The following NRL variants were observed in gnomAD, a reference collection of about 807,000 sequenced individuals.
NRL encodes the protein neural retina-specific leucine zipper protein.
NRL carries 16 observed loss-of-function variants against 12.5 expected under a neutral mutation model. The ratio of observed to expected loss-of-function variants is 1.28; its 90% CI spans 0.87 to 1.95. The LOEUF is 1.95. Among genes scored for constraint, NRL ranks in the 30% most tolerant of loss-of-function variants. NRL has a pLI of 0.00. For synonymous variants in NRL, 142 were observed against 150.9 expected (o/e 0.94, Z 0.43); for missense variants, 314 against 325.8 (o/e 0.96, Z 0.28).
chr14:24,094,659 G>T lies in NRL; in HGVS notation c.-27-11784C>A, dbSNP rs1268090015. ...GCCTGCACCTCCCCTTCTCTGCCTC[G>T]CTCGCCTCTGACCGCGCGATCTCTA... On this transcript the variant is annotated intron_variant, in intron 1 of 2. Coordinates refer to ENST00000561028, the MANE Select transcript of NRL (RefSeq NM_001354768.3). The surrounding 1 kb of genome is among the most constrained non-coding windows in gnomAD (Gnocchi z 4.1). The T allele has an allele frequency of 1.3e-6, 2 of 1,504,276 alleles. No homozygotes were observed. Among genetic ancestry groups the T allele is most frequent in the African/African-American group, 2.8e-5 (2 of 72,388 alleles). The allele number at this position is 1,504,276 out of a possible 1,614,324, so 93.2% of individuals were successfully genotyped here.
intron 1 of NRL, among the ~76,000 whole-genome samples, chr14:24,110,142 G>A (rs1052788519): frequency 6.6e-6 from 1 of 150,900 alleles, no homozygotes; most frequent in East Asian, 1.9e-4. Context: ...TCTTTGAGAC[G>A]GGGTCTCATT....
intron 1 of NRL, chr14:24,100,153 G>C: frequency 6.2e-7 from 1 of 1,614,082 alleles, no homozygotes; most frequent in Non-Finnish European, 8.5e-7. Flanking sequence ...GGAGGGCATT[G>C]ACCAGCCTCT....
chr14:24,098,411 G>A, intron 1 of NRL: 1 of 1,610,888 alleles, frequency 6.2e-7, no homozygotes, highest in Non-Finnish European at 8.5e-7. Context: ...GGGCACAGTG[G>A]CAAGGGCACG....
intron 1 of NRL, among the ~76,000 whole-genome samples, chr14:24,083,127 C>T (rs1242757039): frequency 1.3e-5 from 2 of 152,238 alleles, no homozygotes; most frequent in Non-Finnish European, 2.9e-5. Context: ...TCTCGCCCCA[C>T]TGATGCCTCA....
chr14:24,079,154 A>G lies in NRL; in HGVS notation c.*2082T>C, dbSNP rs1282176400. ...TTTAAGTATACTCAGGTAACCCAGG[A>G]GTATCATTTTGAGACCCAGGTATGG... On this transcript the variant is annotated 3_prime_UTR_variant, in exon 3 of 3. Coordinates refer to ENST00000561028, the MANE Select transcript of NRL (RefSeq NM_001354768.3). 6.6e-6 allele frequency among the ~76,000 whole-genome samples: 1 copy of G among 152,040 alleles called. No individual in the cohort carries two copies. The highest frequency in any genetic ancestry group is 1.5e-5 in the Non-Finnish European group (1 of 68,012).
intron 1 of NRL, among the ~76,000 whole-genome samples, chr14:24,100,980 G>A (rs2037138771): frequency 6.6e-6 from 1 of 152,166 alleles, no homozygotes; most frequent in Admixed American, 6.5e-5. Flanking sequence ...ACACCAAGAG[G>A]CAGGGGCAAA....
chr14:24,081,182 T>G lies in NRL; in HGVS notation c.*54A>C. 1 of 1,280,336 alleles carries G rather than the reference T, an allele frequency of 7.8e-7. No homozygotes were observed. The highest frequency in any genetic ancestry group is 1.0e-6 in the Non-Finnish European group (1 of 981,050). 79.3% of individuals were successfully genotyped at this position (1,280,336 alleles called of 1,614,324 possible). The stretch of plus-strand genomic sequence containing the variant: ...TGCAGAGAACCGTGCAGCCGCCTCC[T>G]GGGCGGAGCCACCCCACCCAGCCCC... On this transcript the variant is annotated 3_prime_UTR_variant, in exon 3 of 3. Coordinates refer to ENST00000561028, the MANE Select transcript of NRL (RefSeq NM_001354768.3). The surrounding 1 kb of genome is among the most constrained non-coding windows in gnomAD (Gnocchi z 4.4).
intron 1 of NRL, among the ~76,000 whole-genome samples, chr14:24,092,179 G>A (rs1374040197): frequency 1.3e-5 from 2 of 152,244 alleles, no homozygotes; most frequent in Non-Finnish European, 2.9e-5. Flanking sequence ...TGCATGCACA[G>A]TGTGGGGAGT....
chr14:24,083,222 AT>A (rs2036374496), intron 1 of NRL, among the ~76,000 whole-genome samples: 1 of 152,252 alleles, frequency 6.6e-6, no homozygotes, highest in South Asian at 2.1e-4. Flanking sequence ...CTCAAGAGGC[AT>A]CATTCCATTT....
chr14:24,088,158 A>G (rs753594289), intron 1 of NRL, among the ~76,000 whole-genome samples: 8 of 152,192 alleles, frequency 5.3e-5, no homozygotes, highest in East Asian at 1.9e-4. Context: ...TGAGGAGTCC[A>G]ACTATCCTCT....
intron 1 of NRL, among the ~76,000 whole-genome samples, chr14:24,087,736 C>A (rs528440428): frequency 1.3e-5 from 2 of 152,306 alleles, no homozygotes; most frequent in South Asian, 4.1e-4. Context: ...TAATACCAGC[C>A]CTGACTTCAA....
At chr14:24,108,788 G>A (rs1566585646) in intron 1 of NRL, among the ~76,000 whole-genome samples, 1 of 152,100 alleles carries the variant, frequency 6.6e-6, no homozygotes, top group Non-Finnish European at 1.5e-5. Context: ...TAAATTATTA[G>A]CACACTCTCC....
At chr14:24,103,507 C>CT in intron 1 of NRL, 1 of 1,542,278 alleles carries the variant, frequency 6.5e-7, no homozygotes, top group Non-Finnish European at 8.7e-7. Context: ...GCTTCCCCCC[C>CT]AGGGAAGATC....
rs1011246511 is a variant in NRL, at chr14:24,094,197, G to C, written c.-27-11322C>G. 2.7e-5 allele frequency: 15 copies of C among 564,564 alleles called. No homozygotes were observed. In the African/African-American group the frequency reaches 2.8e-4, roughly 11 times the overall value. 35.0% of individuals were successfully genotyped at this position (564,564 alleles called of 1,614,324 possible). A position where few individuals can be genotyped will look rare whatever the true frequency, so the allele number is the denominator to read the frequency against. ...GGCTGACCTGGAGCCTGGAGCCCCG[G>C]GGCCGAGGGAGCTGGCCTGCCAGCG... On this transcript the variant is annotated intron_variant, in intron 1 of 2. Coordinates refer to ENST00000561028, the MANE Select transcript of NRL (RefSeq NM_001354768.3). This position sits in a 1 kb window ranked among gnomAD's most constrained non-coding sequence, Gnocchi z 4.1.
intron 1 of NRL, chr14:24,095,076 A>G (rs2036804754): frequency 4.4e-6 from 2 of 455,992 alleles, no homozygotes; most frequent in African/African-American, 2.0e-5. Context: ...TGGAGCCCCC[A>G]GGCTCGTCCT....
chr14:24,081,611 A>T lies in NRL; in HGVS notation c.382-43T>A. 1 of 1,552,918 alleles carries T rather than the reference A, an allele frequency of 6.4e-7. No individual in the cohort carries two copies. Among genetic ancestry groups the T allele is most frequent in the Non-Finnish European group, 8.7e-7 (1 of 1,149,788 alleles). On this transcript the variant is annotated intron_variant, in intron 2 of 2. Coordinates refer to ENST00000561028, the MANE Select transcript of NRL (RefSeq NM_001354768.3). The surrounding 1 kb of genome is among the most constrained non-coding windows in gnomAD (Gnocchi z 4.4). ...AGAAACCGGGTCAGCGCCAGGTCGC[A>T]CCCGGCTCTGCCCTGAGGGCCCGAC...
At chr14:24,102,890 GGTAAA>G (rs770011316) in intron 1 of NRL, 1 of 1,613,076 alleles carries the variant, frequency 6.2e-7, no homozygotes, top group South Asian at 1.1e-5. Context: ...CAGACCCAAA[GGTAAA>G]CAACATATGA....
At chr14:24,090,267 G>GGGC (rs1555339993) in intron 1 of NRL, among the ~76,000 whole-genome samples, 1 of 3,606 alleles carries the variant, frequency 2.8e-4, no homozygotes, top group African/African-American at 3.6e-4. Flanking sequence ...GGTTTACTCG[G>GGGC]GGGGGGGGGG....
At chr14:24,104,635 C>G (rs913620716) in intron 1 of NRL, among the ~76,000 whole-genome samples, 2 of 141,988 alleles carry the variant, frequency 1.4e-5, no homozygotes, top group African/African-American at 5.5e-5. Context: ...AGCGAAACTC[C>G]GTCACAAAAA....
Sources: allele counts gnomAD v4.1 joint callset (sites outside exome capture counted in the v4.1 genomes callset), GRCh38; gene constraint gnomAD v4.1.1; non-coding constraint Gnocchi (gnomAD v3.1); transcripts MANE v1.5; gene names NCBI Gene and HGNC (gene_info 2026-07-23, HGNC 2026-07-21).